The following TAFA2 variants were observed in gnomAD, a reference collection of about 807,000 sequenced individuals.
TAFA2 encodes TAFA chemokine like family member 2.
In TAFA2, 7 loss-of-function variants were observed where a neutral mutation model predicts 18.8. The observed-to-expected ratio is 0.37, with a 90% confidence interval of 0.21 to 0.70. The LOEUF (loss-of-function observed/expected upper bound fraction) is 0.70, where lower values mean the gene tolerates loss of function less well. TAFA2 is among the 30% of genes least tolerant of loss of function. TAFA2 has a pLI of 0.53. For synonymous variants in TAFA2, 60 were observed against 54.2 expected, an observed-to-expected ratio of 1.11 and a Z score of -0.47; for missense variants, 122 against 158.1, an observed-to-expected ratio of 0.77 and a Z score of 1.23.
intron 4 of TAFA2, among the ~76,000 whole-genome samples, chr12:61,712,040 G>A (rs754556565): frequency 2.0e-5 from 3 of 151,948 alleles, no homozygotes; most frequent in Admixed American, 6.6e-5. Flanking sequence ...AAAAGAGAGG[G>A]GAAGCTATAT....
At chr12:62,017,706 A>G (rs1367534770) in intron 1 of TAFA2, among the ~76,000 whole-genome samples, 2 of 152,164 alleles carry the variant, frequency 1.3e-5, no homozygotes, top group Non-Finnish European at 2.9e-5. Flanking sequence ...TCACTAAAGT[A>G]TGGTTCCTCT....
Position 61,879,406 on chromosome 12 carries a change from G to A in TAFA2, c.-1-11980C>T, listed in dbSNP as rs78867286. ...AGCCGCTTCCTACACGAGTGGTCCC[G>A]GTGCCCCCATCAGCTCCTCAAGCTT... is the stretch of plus-strand genomic sequence containing the variant. On this transcript the variant is annotated intron_variant, in intron 1 of 4. Coordinates refer to ENST00000416284, the MANE Select transcript of TAFA2 (RefSeq NM_178539.5). 5,741 of 717,240 alleles carry A rather than the reference G, an allele frequency of 8.0e-3. 127 individuals are homozygous for A. Among genetic ancestry groups the A allele is most frequent in the East Asian group, 0.057 (1,920 of 33,976 alleles). The allele number at this position is 717,240 out of a possible 1,614,324, so 44.4% of individuals were successfully genotyped here. A position where few individuals can be genotyped will look rare whatever the true frequency, so the allele number is the denominator to read the frequency against.
intron 2 of TAFA2, among the ~76,000 whole-genome samples, chr12:61,793,439 T>C (rs12821187): frequency 5.9e-5 from 9 of 151,574 alleles, no homozygotes; most frequent in African/African-American, 2.2e-4. Flanking sequence ...CTACAGATTT[T>C]ATAGATAATA....
intron 1 of TAFA2, among the ~76,000 whole-genome samples, chr12:62,061,326 G>T (rs3892748): frequency 0.1 from 15,185 of 152,114 alleles, 982 homozygotes; most frequent in Non-Finnish European, 0.14. Flanking sequence ...AAATTCACTT[G>T]TACTTACCAT....
chr12:62,082,981 A>G (rs1193284921), intron 1 of TAFA2, among the ~76,000 whole-genome samples: 1 of 152,044 alleles, frequency 6.6e-6, no homozygotes, highest in African/African-American at 2.4e-5. Flanking sequence ...ACCTCCTTTT[A>G]CAGATGAGGA....
chr12:62,139,502 T>C (rs1592360099), intron 1 of TAFA2, among the ~76,000 whole-genome samples: 2 of 152,264 alleles, frequency 1.3e-5, no homozygotes, highest in South Asian at 4.1e-4. Flanking sequence ...TTATAGTTTA[T>C]ACATTAATCT....
At chr12:61,864,141 G>A (rs1265432113) in intron 2 of TAFA2, among the ~76,000 whole-genome samples, 1 of 151,990 alleles carries the variant, frequency 6.6e-6, no homozygotes, top group Non-Finnish European at 1.5e-5. Context: ...CATGTCATAC[G>A]CAAATTGCCT....
chr12:62,149,474 G>A (rs2062311635), intron 1 of TAFA2, among the ~76,000 whole-genome samples: 1 of 151,210 alleles, frequency 6.6e-6, no homozygotes, highest in South Asian at 2.1e-4. Context: ...TATATATCAG[G>A]CTTCTAACTA....
intron 1 of TAFA2, among the ~76,000 whole-genome samples, chr12:61,982,852 A>G (rs1879682988): frequency 1.4e-5 from 2 of 139,202 alleles, no homozygotes; most frequent in Non-Finnish European, 3.1e-5. Flanking sequence ...CAGAATGACT[A>G]TATTCCCACC....
At chr12:61,962,658 G>C (rs770249203) in intron 1 of TAFA2, among the ~76,000 whole-genome samples, 4 of 151,858 alleles carry the variant, frequency 2.6e-5, no homozygotes, top group Admixed American at 2.0e-4. Context: ...AGTCAATTTT[G>C]TGCATATCTT....
At chr12:62,086,769 C>A (rs965078211) in intron 1 of TAFA2, among the ~76,000 whole-genome samples, 1 of 152,032 alleles carries the variant, frequency 6.6e-6, no homozygotes, top group East Asian at 1.9e-4. Context: ...TGTGATCCAG[C>A]AATTTCACAT....
Position 61,796,360 on chromosome 12 carries a change from T to A in TAFA2, c.107-41336A>T, listed in dbSNP as rs1871189945. Among the ~76,000 whole-genome samples the A allele has an allele frequency of 3.3e-5, 5 of 152,280 alleles. No homozygotes were observed. In the South Asian group the frequency reaches 1.0e-3, roughly 32 times the overall value. On this transcript the variant is annotated intron_variant, in intron 2 of 4. Transcript: ENST00000416284. Reference sequence around the variant, plus strand: ...CACTGAGAAATGAAAATGAACTATTTATATTAGCAACAACATGGATGTTTC... The same window carrying A: ...CACTGAGAAATGAAAATGAACTATTAATATTAGCAACAACATGGATGTTTC...
chr12:62,154,676 A>G (rs1342105967), intron 1 of TAFA2, among the ~76,000 whole-genome samples: 3 of 13,244 alleles, frequency 2.3e-4, no homozygotes, highest in Non-Finnish European at 8.2e-3. Flanking sequence ...TGCATCCGGT[A>G]TCATGAAAAA....
chr12:62,257,199 T>TGTGTGTGTGTGTGTGTGTGTGA (rs2062944923), intron 1 of TAFA2, among the ~76,000 whole-genome samples: 1 of 104,252 alleles, frequency 9.6e-6, no homozygotes, highest in African/African-American at 3.6e-5. Context: ...TGTGTGTGTG[T>TGTGTGTGTGTGTGTGTGTGTGA]GTGATTTGCT....
At chr12:62,110,916 G>C (rs1372256180) in intron 1 of TAFA2, among the ~76,000 whole-genome samples, 1 of 151,230 alleles carries the variant, frequency 6.6e-6, no homozygotes, top group African/African-American at 2.4e-5. Flanking sequence ...AGTCTATTTT[G>C]TTAATCTTTT....
chr12:62,057,712 C>CA, intron 1 of TAFA2, among the ~76,000 whole-genome samples: 1 of 152,218 alleles, frequency 6.6e-6, no homozygotes. Flanking sequence ...ACCTTTCTTT[C>CA]AAAAAAGATA....
intron 1 of TAFA2, among the ~76,000 whole-genome samples, chr12:62,010,564 T>C (rs1187037620): frequency 6.8e-6 from 1 of 146,828 alleles, no homozygotes; most frequent in Non-Finnish European, 1.5e-5. Context: ...TTACAGTCTC[T>C]GCCCAGCCGC....
chr12:61,892,773 AG>A (rs1177867884), intron 1 of TAFA2, among the ~76,000 whole-genome samples: 1 of 152,180 alleles, frequency 6.6e-6, no homozygotes, highest in Non-Finnish European at 1.5e-5. Flanking sequence ...CAGGCAGCAG[AG>A]GTTGCAGTGA....
At chr12:61,910,889 G>T (rs1445414042) in intron 1 of TAFA2, among the ~76,000 whole-genome samples, 1 of 152,150 alleles carries the variant, frequency 6.6e-6, no homozygotes, top group Non-Finnish European at 1.5e-5. Flanking sequence ...CTCTAACACT[G>T]CCAATGATTT....
Sources: gnomAD v4.1 joint callset for allele counts (sites outside exome capture counted in the v4.1 genomes callset) on GRCh38, gnomAD v4.1.1 for gene constraint, MANE v1.5 for transcripts, NCBI Gene and HGNC (gene_info 2026-07-23, HGNC 2026-07-21) for gene names.